Variants in SURF1 observed in about 807,000 individuals in gnomAD.
SURF1 encodes the protein surfeit locus protein 1.
SURF1 carries 45 observed loss-of-function variants against 34.1 expected under a neutral mutation model. The ratio of observed to expected loss-of-function variants is 1.32; its 90% CI spans 1.04 to 1.69. The LOEUF is 1.69. Ranked by LOEUF, SURF1 falls within the 40% of genes most tolerant of loss-of-function variation. The pLI is 0.00. For missense variants in SURF1, 456 were observed against 384.6 expected (o/e 1.19, Z -1.55); for synonymous variants, 188 against 147.5 (o/e 1.27, Z -1.99).
intron 7 of SURF1, 139 bp from the exon 8 acceptor site, chr9:133,352,281 C>G: frequency 7.3e-7 from 1 of 1,376,958 alleles, no homozygotes; most frequent in Non-Finnish European, 1.0e-6. Flanking sequence ...CGCCCTTGTC[C>G]GCTCAGTACT....
At position 133,352,102 on chromosome 9, in the gene SURF1, T is replaced by A. The variant is rs2130004594; in HGVS notation, c.792A>T (p.Arg264Ser). The change falls in exon 8 of 9, where the codon AGA becomes AGT. Residue 264 changes from arginine to serine, a missense_variant. By Grantham distance (110) the Arg-to-Ser change is moderately radical (BLOSUM62 -1). Coordinates refer to ENST00000371974, the MANE Select transcript of SURF1 (RefSeq NM_003172.4). ...GCAGATGCTCGTTCCTCAGAGTAACTCTGGTTTGCCCTCCAATGGGTCCTC... is the reference window on the plus strand; with the variant it reads ...GCAGATGCTCGTTCCTCAGAGTAACACTGGTTTGCCCTCCAATGGGTCCTC... ...VPGGPIGGQT[R>S]VTLRNEHLQY... 3.1e-6 allele frequency: 5 copies of A among 1,609,608 alleles called. No homozygotes were observed. Among genetic ancestry groups the A allele is most frequent in the Non-Finnish European group, 3.4e-6 (4 of 1,177,882 alleles).
At chr9:133,353,020 T>G (rs2130011591) in intron 5 of SURF1, among the ~76,000 whole-genome samples, 42 of 152,292 alleles carry the variant, frequency 2.8e-4, no homozygotes, top group African/African-American at 6.5e-4. Flanking sequence ...TATCTCTGCT[T>G]CTTGTGGTCT....
rs1424582822 is a variant in SURF1, at chr9:133,353,973, G to A, written c.324-33C>T. ...GAGATAAGAACAGTGGCCGAGCAAG[G>A]TTTGGCTGGAAAACGAATCCCCTGA... On this transcript the variant is annotated intron_variant, in intron 4 of 8. Coordinates refer to ENST00000371974, the MANE Select transcript of SURF1 (RefSeq NM_003172.4). 3 of 1,613,186 alleles carry A rather than the reference G, an allele frequency of 1.9e-6. No individual in the cohort carries two copies. In the East Asian group the frequency reaches 6.7e-5, roughly 36 times the overall value.
At position 133,352,508 on chromosome 9, in the gene SURF1, C is replaced by T. The variant is rs1188309187; in HGVS notation, c.689G>A (p.Arg230Gln). 5.6e-6 allele frequency: 9 copies of T among 1,614,074 alleles called. No individual in the cohort carries two copies. The highest frequency in any genetic ancestry group is 5.3e-5 in the African/African-American group (4 of 74,912). Residue 230 changes from arginine (R) to glutamine (Q), a missense_variant, in exon 7 of 9, where the codon CGA (arginine) becomes CAA (glutamine). By Grantham distance (43) the Arg-to-Gln change is conservative. Coordinates refer to ENST00000371974, the MANE Select transcript of SURF1 (RefSeq NM_003172.4). ...GATTCTGGCCATAGCTTCCAGGTCT[C>T]GATAATGCCAGTGGTTCCTTTCTGG... ...NNPERNHWHY[R>Q]DLEAMARITG...
rs2130027017 is a variant in SURF1 at position 133,356,455 on chromosome 9, G to T, written c.-2C>A. The T allele has an allele frequency of 7.0e-6, 10 of 1,420,382 alleles. No homozygotes were observed. The highest frequency in any genetic ancestry group is 5.8e-5 in the South Asian group (4 of 69,200). The allele number at this position is 1,420,382 out of a possible 1,614,324, so 88.0% of individuals were successfully genotyped here. On this transcript the variant is annotated 5_prime_UTR_variant, in exon 1 of 9. Coordinates refer to ENST00000371974, the MANE Select transcript of SURF1 (RefSeq NM_003172.4). ...CTGCAACGCAGCCACCGCCGCCATC[G>T]CACCCGGCCCCGCGGGCGCTTCCGG...
rs2130024722 is a variant in SURF1, at chr9:133,356,253, G to T, written c.106+16C>A. 6.5e-7 allele frequency: 1 copy of T among 1,533,594 alleles called. No individual in the cohort carries two copies. Among genetic ancestry groups the T allele is most frequent in the East Asian group, 2.4e-5 (1 of 40,866 alleles). The allele number at this position is 1,533,594 out of a possible 1,614,324, so 95.0% of individuals were successfully genotyped here. A position where few individuals can be genotyped will look rare whatever the true frequency, so the allele number is the denominator to read the frequency against. On this transcript the variant is annotated intron_variant, in intron 2 of 8. Transcript: ENST00000371974. ...TGCCCAGGCGCCTGGATCACAGCCC[G>T]GCCTGCAGCCCTCACCTGGGCGCGG...
At chr9:133,354,294 GCAGA>G (rs2130016734) in intron 4 of SURF1, 41 of 490,348 alleles carry the variant, frequency 8.4e-5, no homozygotes, top group Non-Finnish European at 1.4e-4. Context: ...TAGGGAGAGA[GCAGA>G]CAAATCATTC....
Position 133,352,777 on chromosome 9 carries a change from G to T in SURF1, c.516-11C>A, listed in dbSNP as rs2130010133. 2 of 1,607,604 alleles carry T rather than the reference G, an allele frequency of 1.2e-6. No individual in the cohort carries two copies. The highest frequency in any genetic ancestry group is 1.7e-6 in the Non-Finnish European group (2 of 1,177,394). ...ACCAGGATGGTGACTCTAGGGTAATGAAAGTGCTACTTCAGGTGGGGAGGG... is the reference window on the plus strand; with the variant it reads ...ACCAGGATGGTGACTCTAGGGTAATTAAAGTGCTACTTCAGGTGGGGAGGG... On this transcript the variant is annotated splice_polypyrimidine_tract_variant and intron_variant, in intron 5 of 8. Coordinates refer to ENST00000371974, the MANE Select transcript of SURF1 (RefSeq NM_003172.4).
chr9:133,354,294 G>A, intron 4 of SURF1: 2 of 490,466 alleles, frequency 4.1e-6, no homozygotes. Flanking sequence ...TAGGGAGAGA[G>A]CAGACAAATC....
At chr9:133,352,292 T>C in intron 7 of SURF1, 150 bp from the exon 8 acceptor site, 1 of 1,410,442 alleles carries the variant, frequency 7.1e-7, no homozygotes, top group Non-Finnish European at 9.8e-7. Context: ...GCTCAGTACT[T>C]GCCTAGGTTC....
intron 2 of SURF1, among the ~76,000 whole-genome samples, 179 bp from the exon 3 acceptor site, chr9:133,355,136 G>A (rs1419199411): frequency 1.3e-5 from 2 of 152,216 alleles, no homozygotes; most frequent in African/African-American, 4.8e-5. Context: ...CACACAGTAC[G>A]TCTGCCAAGT....
intron 2 of SURF1, 44 bp downstream of exon 2, chr9:133,356,225 C>A: frequency 1.3e-6 from 2 of 1,532,772 alleles, no homozygotes; most frequent in African/African-American, 1.4e-5. Flanking sequence ...CAGCAGGTGG[C>A]TCTGCCCAGG....
chr9:133,355,514 G>C (rs1000122661), intron 2 of SURF1, among the ~76,000 whole-genome samples: 1 of 152,176 alleles, frequency 6.6e-6, no homozygotes, highest in South Asian at 2.1e-4. Context: ...GGAGGAGGTG[G>C]TTGCTGTAAG....
Position 133,353,785 on chromosome 9 carries a change from G to GC in SURF1, c.478dup (p.Ala160GlyfsTer20). 1 of 1,613,808 alleles carries GC rather than the reference G, an allele frequency of 6.2e-7. No homozygotes were observed. Among genetic ancestry groups the GC allele is most frequent in the South Asian group, 1.1e-5 (1 of 91,080 alleles). ...GCAGTGGAAGGGAGTGACCACATAG[G>GC]CCCCACTCTGAGTTGAGGAGGAGAT... is the stretch of plus-strand genomic sequence containing the variant. On this transcript the variant is annotated frameshift_variant, in exon 5 of 9. Coordinates refer to ENST00000371974, the MANE Select transcript of SURF1 (RefSeq NM_003172.4). LOFTEE classifies it high-confidence loss of function.
Position 133,352,729 on chromosome 9 carries a change from T to C in SURF1, c.553A>G (p.Lys185Glu). ...TGCCGGGTTTCAGGATTCACTTTCT[T>C]CCTGGGAACGAACCCTCTATTTACC... ...ILVNRGFVPR[K>E]KVNPETRQKG... Residue 185 changes from lysine (K) to glutamate (E), a missense_variant, in exon 6 of 9, where the codon AAG (lysine) becomes GAG (glutamate). Physicochemically the swap from Lys to Glu is moderately conservative, Grantham distance 56. Coordinates refer to ENST00000371974, the MANE Select transcript of SURF1 (RefSeq NM_003172.4). The C allele has an allele frequency of 6.2e-7, 1 of 1,613,054 alleles. No individual in the cohort carries two copies. Among genetic ancestry groups the C allele is most frequent in the East Asian group, 2.2e-5 (1 of 44,880 alleles).
In SURF1 at chr9:133,356,447, C is replaced by T. The variant is rs1427018935; in HGVS notation, c.7G>A (p.Ala3Thr). 1.3e-5 allele frequency: 19 copies of T among 1,419,588 alleles called. No homozygotes were observed. Among genetic ancestry groups the T allele is most frequent in the Admixed American group, 2.8e-5 (1 of 36,228 alleles). 87.9% of individuals were successfully genotyped at this position (1,419,588 alleles called of 1,614,324 possible). A position where few individuals can be genotyped will look rare whatever the true frequency, so the allele number is the denominator to read the frequency against. Residue 3 changes from alanine to threonine, a missense_variant, in exon 1 of 9, where the codon GCG (alanine) becomes ACG (threonine). Physicochemically the swap from Ala to Thr is moderately conservative, Grantham distance 58. Coordinates refer to ENST00000371974, the MANE Select transcript of SURF1 (RefSeq NM_003172.4). ...AGCCCCAGCTGCAACGCAGCCACCG[C>T]CGCCATCGCACCCGGCCCCGCGGGC... MA[A>T]VAALQLGLRA...
At chr9:133,352,335 T>A in intron 7 of SURF1, 111 bp downstream of exon 7, 2 of 1,563,868 alleles carry the variant, frequency 1.3e-6, no homozygotes, top group South Asian at 2.2e-5. Flanking sequence ...CCACCCGCCA[T>A]ATACACATGT....
At chr9:133,353,011 ATC>A (rs1169980318) in intron 5 of SURF1, among the ~76,000 whole-genome samples, 2 of 152,036 alleles carry the variant, frequency 1.3e-5, no homozygotes, top group Non-Finnish European at 2.9e-5. Context: ...TTCCCCTTCT[ATC>A]TCTGCTTCTT....
intron 2 of SURF1, among the ~76,000 whole-genome samples, 159 bp from the exon 3 acceptor site, chr9:133,355,116 G>A (rs2130020658): frequency 1.3e-5 from 2 of 152,288 alleles, no homozygotes; most frequent in East Asian, 1.9e-4. Context: ...CCGGTGCCCA[G>A]AACAAGGCAC....
Sources: gnomAD v4.1 joint callset for allele counts (sites outside exome capture counted in the v4.1 genomes callset) on GRCh38, gnomAD v4.1.1 for gene constraint, MANE v1.5 for transcripts, NCBI Gene and HGNC (gene_info 2026-07-23, HGNC 2026-07-21) for gene names.